Variants in CUX1 observed in about 807,000 individuals in gnomAD.
CUX1 encodes the protein protein CASP.
CUX1 carries 31 observed loss-of-function variants against 158.8 expected under a neutral mutation model. The observed-to-expected ratio is 0.20, with a 90% confidence interval of 0.15 to 0.26. CUX1 has a LOEUF of 0.26. Among genes scored for constraint, CUX1 ranks in the 10% least tolerant of loss-of-function variants. The pLI is 1.00. For missense variants in CUX1, 1,589 were observed against 2,014.6 expected (o/e 0.79, Z 4.04); for synonymous variants, 879 against 862.1 (o/e 1.02, Z -0.34).
At chr7:101,908,337 G>C (rs1802991673) in intron 1 of CUX1, among the ~76,000 whole-genome samples, 1 of 152,018 alleles carries the variant, frequency 6.6e-6, no homozygotes, top group Non-Finnish European at 1.5e-5. Flanking sequence ...GTAGAGACAG[G>C]GTTTCGCCAT....
rs574734237 is a variant in CUX1, at chr7:102,188,138, G to A, written c.1018-1675G>A. ...CACTTGAGCCCAGGAGTTGGAGGCTGTAGTGAGCTATGATCGCACCACTGC... is the reference window on the plus strand; with the variant it reads ...CACTTGAGCCCAGGAGTTGGAGGCTATAGTGAGCTATGATCGCACCACTGC... On this transcript the variant is annotated intron_variant, in intron 11 of 23. Transcript: ENST00000292535. 2.6e-5 allele frequency among the ~76,000 whole-genome samples: 4 copies of A among 152,108 alleles called. No individual in the cohort carries two copies. The South Asian group carries it at 8.3e-4, about 32-fold the overall frequency.
intron 2 of CUX1, among the ~76,000 whole-genome samples, chr7:101,978,736 C>G (rs1813036026): frequency 6.6e-6 from 1 of 152,262 alleles, no homozygotes; most frequent in Non-Finnish European, 1.5e-5. Flanking sequence ...TCCTCCTCCT[C>G]TGCGCCCCGT....
At position 101,945,895 on chromosome 7, in the gene CUX1, G is replaced by A. The variant is rs186391940; in HGVS notation, c.141+29670G>A. ...AGTTCTAGCTGTGTCAGCCAAGGCC[G>A]GGGACACCAGAGGCACAGGGCTTGG... On this transcript the variant is annotated intron_variant, in intron 2 of 23. Coordinates refer to ENST00000292535, the MANE Select transcript of CUX1 (RefSeq NM_181552.4). Among the ~76,000 whole-genome samples the A allele has an allele frequency of 3.5e-3, 537 of 152,276 alleles. 12 individuals are homozygous for A. The highest frequency in any genetic ancestry group is 0.027 in the Admixed American group (418 of 15,302).
intron 1 of CUX1, among the ~76,000 whole-genome samples, chr7:101,912,268 C>T (rs536420812): frequency 1.4e-5 from 2 of 139,190 alleles, no homozygotes; most frequent in Admixed American, 7.5e-5. Context: ...TATCTCCATA[C>T]GCCCTGAGAC....
Position 102,250,572 on chromosome 7 carries a change from C to T in CUX1, c.*1530C>T. The stretch of plus-strand genomic sequence containing the variant: ...AACGTGGCATTCTGGGCTCCCCACT[C>T]CCATCCCTGTAGAAATGGCCCAAAC... On this transcript the variant is annotated 3_prime_UTR_variant, in exon 24 of 24. Coordinates refer to ENST00000292535, the MANE Select transcript of CUX1 (RefSeq NM_181552.4). 1.0e-6 allele frequency: 1 copy of T among 985,468 alleles called. No homozygotes were observed. The highest frequency in any genetic ancestry group is 1.2e-6 in the Non-Finnish European group (1 of 829,944). 61.0% of individuals were successfully genotyped at this position (985,468 alleles called of 1,614,324 possible). A position where few individuals can be genotyped will look rare whatever the true frequency, so the allele number is the denominator to read the frequency against.
intron 3 of CUX1, among the ~76,000 whole-genome samples, chr7:102,053,420 G>A (rs749409062): frequency 6.6e-6 from 1 of 152,122 alleles, no homozygotes; most frequent in Non-Finnish European, 1.5e-5. Context: ...ATCACCTGAA[G>A]CATTTATCCT....
intron 2 of CUX1, among the ~76,000 whole-genome samples, chr7:101,968,429 AT>A (rs1269419103): frequency 2.6e-5 from 4 of 151,686 alleles, no homozygotes; most frequent in Non-Finnish European, 5.9e-5. Context: ...AGAGTCTAGA[AT>A]TATTATTTTT....
At chr7:101,907,172 T>G (rs980217230) in intron 1 of CUX1, among the ~76,000 whole-genome samples, 1 of 152,208 alleles carries the variant, frequency 6.6e-6, no homozygotes, top group Non-Finnish European at 1.5e-5. Flanking sequence ...ACGTTCACTT[T>G]GGGAATTCTG....
At chr7:101,926,483 G>A (rs1240790762) in intron 2 of CUX1, among the ~76,000 whole-genome samples, 1 of 152,134 alleles carries the variant, frequency 6.6e-6, no homozygotes, top group African/African-American at 2.4e-5. Flanking sequence ...GGCCTGTAGG[G>A]AAGAGGAGGT....
chr7:101,913,335 T>C, intron 1 of CUX1: 1 of 1,266,262 alleles, frequency 7.9e-7, no homozygotes, highest in Non-Finnish European at 1.0e-6. Flanking sequence ...GACCTGCATA[T>C]GTCTGCGGGC....
upstream of CUX1, chr7:101,817,567 C>T: frequency 1.4e-6 from 2 of 1,470,946 alleles, no homozygotes; most frequent in Non-Finnish European, 9.0e-7. This position sits in a 1 kb window ranked among gnomAD's most constrained non-coding sequence, Gnocchi z 4.1. Flanking sequence ...AGCGGCGCAC[C>T]CTTAGGGTCC....
rs556180361 is a variant in CUX1 at position 101,869,727 on chromosome 7, A to T, written c.31-46388A>T. 1.3e-5 allele frequency among the ~76,000 whole-genome samples: 2 copies of T among 152,244 alleles called. No homozygotes were observed. Among genetic ancestry groups the T allele is most frequent in the East Asian group, 3.9e-4 (2 of 5,182 alleles). On this transcript the variant is annotated intron_variant, in intron 1 of 23. Transcript: ENST00000292535. This position sits in a 1 kb window ranked among gnomAD's most constrained non-coding sequence, Gnocchi z 4.5. Reference sequence around the variant, plus strand: ...GTGCGAGCCACAGCAGGTGGGCGGGAGCTCACAGGCTGCAGAGGAAGCGCA... The same window carrying T: ...GTGCGAGCCACAGCAGGTGGGCGGGTGCTCACAGGCTGCAGAGGAAGCGCA...
intron 2 of CUX1, among the ~76,000 whole-genome samples, chr7:102,011,345 C>A (rs1045798999): frequency 6.6e-6 from 1 of 151,986 alleles, no homozygotes; most frequent in Admixed American, 6.6e-5. Context: ...TCAGCCCCTA[C>A]AGCCCCTTCC....
At position 102,253,234 on chromosome 7, in the gene CUX1, C is replaced by T; in HGVS notation, c.*4192C>T. ...GCAGCAGAGCTCTGGGTTAAATATTCCTTTCTGGCCACCGCCCAAGCCCAG... is the reference window on the plus strand; with the variant it reads ...GCAGCAGAGCTCTGGGTTAAATATTTCTTTCTGGCCACCGCCCAAGCCCAG... On this transcript the variant is annotated 3_prime_UTR_variant, in exon 24 of 24. Transcript: ENST00000292535. 1 of 985,494 alleles carries T rather than the reference C, an allele frequency of 1.0e-6. No homozygotes were observed. Among genetic ancestry groups the T allele is most frequent in the Non-Finnish European group, 1.2e-6 (1 of 829,980 alleles). The allele number at this position is 985,494 out of a possible 1,614,324, so 61.0% of individuals were successfully genotyped here. A position where few individuals can be genotyped will look rare whatever the true frequency, so the allele number is the denominator to read the frequency against.
At chr7:102,104,030 T>G (rs1299639061) in intron 5 of CUX1, among the ~76,000 whole-genome samples, 2 of 152,176 alleles carry the variant, frequency 1.3e-5, no homozygotes, top group African/African-American at 2.4e-5. Flanking sequence ...TAAGATGATA[T>G]GATATTTTAC....
intron 10 of CUX1, among the ~76,000 whole-genome samples, chr7:102,171,289 C>T (rs1324773553): frequency 2.0e-5 from 3 of 152,018 alleles, no homozygotes; most frequent in East Asian, 1.9e-4. Context: ...CCTGAGTCTC[C>T]GTTTCCCCGC....
chr7:101,889,164 TG>T (rs1270470884), intron 1 of CUX1, among the ~76,000 whole-genome samples: 2 of 145,606 alleles, frequency 1.4e-5, no homozygotes, highest in Admixed American at 7.1e-5. Flanking sequence ...GAGGCTGAGG[TG>T]GGAGGATTGG....
chr7:101,995,189 C>T (rs1815689858), intron 2 of CUX1, among the ~76,000 whole-genome samples: 1 of 152,070 alleles, frequency 6.6e-6, no homozygotes, highest in Non-Finnish European at 1.5e-5. Context: ...TTGGGCACAC[C>T]CCTCACTCCA....
At chr7:102,108,762 G>C (rs1554489286) in intron 6 of CUX1, among the ~76,000 whole-genome samples, 1 of 151,606 alleles carries the variant, frequency 6.6e-6, no homozygotes, top group East Asian at 1.9e-4. Context: ...GTGTGTGTGT[G>C]TGTGTGTGTT....
Sources: gnomAD v4.1 joint callset for allele counts (sites outside exome capture counted in the v4.1 genomes callset) on GRCh38, gnomAD v4.1.1 for gene constraint, Gnocchi (gnomAD v3.1) non-coding constraint, MANE v1.5 for transcripts, NCBI Gene and HGNC (gene_info 2026-07-23, HGNC 2026-07-21) for gene names.